Variants in PCDH15 observed in about 807,000 individuals in gnomAD.
PCDH15 encodes protocadherin related 15, also known as protocadherin-15.
A neutral mutation model predicts 178.5 loss-of-function variants in PCDH15; 129 were observed. The observed-to-expected ratio is 0.72, with a 90% CI of 0.63 to 0.84. The LOEUF (loss-of-function observed/expected upper bound fraction) is 0.84, where lower values mean the gene tolerates loss of function less well. PCDH15 is among the 40% of genes least tolerant of loss of function. The pLI is 0.00. For synonymous variants in PCDH15, 800 were observed against 732.0 expected (o/e 1.09, Z -1.50); for missense variants, 2,230 against 2,099.9 (o/e 1.06, Z -1.21).
chr10:55,251,182 T>C (rs1369114151), intron 1 of PCDH15, among the ~76,000 whole-genome samples: 3 of 152,188 alleles, frequency 2.0e-5, no homozygotes, highest in East Asian at 3.9e-4. Context: ...GTTTTACTTG[T>C]ACTCATTTGT....
chr10:53,827,375 C>T lies in PCDH15; in HGVS notation c.4367+18G>A, dbSNP rs753111027. Reference sequence around the variant, plus strand: ...TAAAACCCAACTACTTCTCAGAGTTCCTGAACGGTCTACTTACATTGAGCT... The same window carrying T: ...TAAAACCCAACTACTTCTCAGAGTTTCTGAACGGTCTACTTACATTGAGCT... On this transcript the variant is annotated intron_variant, in intron 32 of 37. Coordinates refer to ENST00000644397, the MANE Select transcript of PCDH15 (RefSeq NM_001384140.1). The T allele has an allele frequency of 3.8e-6, 6 of 1,598,924 alleles. No individual in the cohort carries two copies. In the East Asian group the frequency reaches 9.0e-5, roughly 24 times the overall value.
chr10:54,749,332 A>C (rs147576270), intron 1 of PCDH15, among the ~76,000 whole-genome samples: 1 of 152,342 alleles, frequency 6.6e-6, no homozygotes, highest in Non-Finnish European at 1.5e-5. Context: ...CAAAGTAGTT[A>C]GTATTAAATA....
intron 13 of PCDH15, among the ~76,000 whole-genome samples, chr10:54,183,119 T>C (rs1174532364): frequency 6.6e-6 from 1 of 152,004 alleles, no homozygotes; most frequent in African/African-American, 2.4e-5. Flanking sequence ...GTAGCTGGGA[T>C]TACAGGCATG....
intron 23 of PCDH15, among the ~76,000 whole-genome samples, chr10:53,946,443 T>A (rs1465379488): frequency 6.6e-6 from 1 of 152,220 alleles, no homozygotes; most frequent in African/African-American, 2.4e-5. Context: ...TGCCTCTATA[T>A]GTTTAACTTT....
intron 3 of PCDH15, among the ~76,000 whole-genome samples, chr10:54,490,264 C>A (rs1035710122): frequency 1.3e-5 from 2 of 151,964 alleles, no homozygotes; most frequent in Non-Finnish European, 2.9e-5. Context: ...TCCTGGCTAA[C>A]ACGGTGAAAC....
At chr10:53,862,434 A>G (rs867531493) in intron 27 of PCDH15, among the ~76,000 whole-genome samples, 1 of 152,188 alleles carries the variant, frequency 6.6e-6, no homozygotes, top group South Asian at 2.1e-4. Context: ...TTTACTGAAC[A>G]CTGCAGATAT....
At chr10:55,153,321 C>T (rs985769) in intron 2 of PCDH15, among the ~76,000 whole-genome samples, 31,730 of 151,998 alleles carry the variant, frequency 0.21, 4,192 homozygotes, top group Non-Finnish European at 0.28. Context: ...GAAATCCAGC[C>T]TGCTCTTCCC....
chr10:54,114,496 A>G (rs1436959981), intron 15 of PCDH15, among the ~76,000 whole-genome samples: 2 of 152,098 alleles, frequency 1.3e-5, no homozygotes, highest in Non-Finnish European at 2.9e-5. Context: ...TATTCCAGGC[A>G]CTGTTGTAGT....
intron 14 of PCDH15, among the ~76,000 whole-genome samples, chr10:54,139,331 C>A (rs757311847): frequency 4.0e-5 from 6 of 151,684 alleles, no homozygotes; most frequent in African/African-American, 1.5e-4. Flanking sequence ...AAGGAAAAAG[C>A]TAACTTTAAA....
intron 1 of PCDH15, among the ~76,000 whole-genome samples, chr10:55,318,648 T>C (rs897075451): frequency 6.6e-6 from 1 of 152,156 alleles, no homozygotes; most frequent in African/African-American, 2.4e-5. Context: ...AGATGTAAAT[T>C]ATGCTTAATT....
intron 3 of PCDH15, among the ~76,000 whole-genome samples, chr10:54,491,586 G>A (rs2079599217): frequency 6.6e-6 from 1 of 152,090 alleles, no homozygotes; most frequent in Non-Finnish European, 1.5e-5. Flanking sequence ...TATTGCTAGG[G>A]AAGAAATAAA....
rs1839472119 is a variant in PCDH15 at position 54,990,427 on chromosome 10, T to A, written c.-79-92927A>T. ...GAATGTCTGGTAAGATTGCTTGACA[T>A]ATGGAATACTAAGTAGGAGTTATTA... On this transcript the variant is annotated intron_variant, in intron 2 of 5. Coordinates refer to the PCDH15 transcript ENST00000458638. 2.0e-5 allele frequency among the ~76,000 whole-genome samples: 3 copies of A among 152,210 alleles called. No individual in the cohort carries two copies. In the South Asian group the frequency reaches 6.2e-4, roughly 31 times the overall value.
intron 15 of PCDH15, among the ~76,000 whole-genome samples, chr10:54,103,367 C>T (rs1244635691): frequency 6.6e-6 from 1 of 152,166 alleles, no homozygotes; most frequent in Non-Finnish European, 1.5e-5. Context: ...CCCACCTTGC[C>T]TTTGATGGTT....
chr10:53,868,329 A>G (rs1321140633), intron 26 of PCDH15, among the ~76,000 whole-genome samples: 1 of 152,090 alleles, frequency 6.6e-6, no homozygotes, highest in Non-Finnish European at 1.5e-5. Context: ...TAAGAATCAT[A>G]CAAAATACAA....
intron 8 of PCDH15, among the ~76,000 whole-genome samples, chr10:54,291,588 A>G (rs1038030378): frequency 5.3e-5 from 8 of 152,218 alleles, no homozygotes; most frequent in African/African-American, 1.7e-4. Context: ...ACTAATAAAG[A>G]GGAAAAGAGA....
intron 1 of PCDH15, among the ~76,000 whole-genome samples, chr10:54,668,624 TC>T (rs2094608870): frequency 6.6e-6 from 1 of 152,184 alleles, no homozygotes; most frequent in African/African-American, 2.4e-5. Flanking sequence ...TTATCCCTGC[TC>T]CCTGAGTCTT....
At chr10:54,580,606 C>G (rs2090944356) in intron 2 of PCDH15, among the ~76,000 whole-genome samples, 1 of 151,944 alleles carries the variant, frequency 6.6e-6, no homozygotes, top group African/African-American at 2.4e-5. Flanking sequence ...ATGAAGCCAG[C>G]ATCACCCTGA....
In PCDH15 at chr10:55,540,382, A is replaced by C. The variant is rs1465507245; in HGVS notation, c.-156+87243T>G. On this transcript the variant is annotated intron_variant, in intron 2 of 5. Transcript: ENST00000613346. The stretch of plus-strand genomic sequence containing the variant: ...CATTTAAATAATATGGGCATGAGGC[A>C]TACTGAGAAATAGAATGAAGCAAGT... Among the ~76,000 whole-genome samples, 4 of 152,228 alleles carry C rather than the reference A, an allele frequency of 2.6e-5. No individual in the cohort carries two copies. The East Asian group carries it at 7.7e-4, about 29-fold the overall frequency.
At chr10:54,563,188 T>C (rs1334621656) in intron 2 of PCDH15, among the ~76,000 whole-genome samples, 1 of 152,170 alleles carries the variant, frequency 6.6e-6, no homozygotes, top group African/African-American at 2.4e-5. Context: ...GATCTATACA[T>C]TTGAAAAATA....
Sources: gnomAD v4.1 joint callset for allele counts (sites outside exome capture counted in the v4.1 genomes callset) on GRCh38, gnomAD v4.1.1 for gene constraint, MANE v1.5 for transcripts, NCBI Gene and HGNC (gene_info 2026-07-23, HGNC 2026-07-21) for gene names.